Variants in HDAC4 observed in about 807,000 individuals in gnomAD.
The protein encoded by HDAC4 is histone deacetylase 4, also known as histone deacetylase A.
Under a neutral mutation model 135.1 loss-of-function variants are expected in HDAC4, and 16 were observed. The observed-to-expected ratio is 0.12, with a 90% CI of 0.08 to 0.18. HDAC4 has a LOEUF of 0.18. Ranked by LOEUF, HDAC4 falls within the 10% of genes least tolerant of loss-of-function variation. The pLI, the probability that HDAC4 is intolerant of heterozygous loss-of-function variation, is 1.00. For missense variants in HDAC4, 1,143 were observed against 1,511.8 expected (o/e 0.76, Z 4.05); for synonymous variants, 685 against 653.4 (o/e 1.05, Z -0.74).
At chr2:239,199,520 A>C (rs2045621750) in intron 3 of HDAC4, among the ~76,000 whole-genome samples, 1 of 149,192 alleles carries the variant, frequency 6.7e-6, no homozygotes, top group Non-Finnish European at 1.5e-5. Flanking sequence ...CGGTTTGCCC[A>C]TGTCTGAAAA....
intron 2 of HDAC4, among the ~76,000 whole-genome samples, chr2:239,282,134 CA>C (rs2050805924): frequency 6.7e-6 from 1 of 149,994 alleles, no homozygotes; most frequent in Admixed American, 6.6e-5. Flanking sequence ...ATGTACACAC[CA>C]TGCTACAATG....
chr2:239,378,978 C>T lies in HDAC4; in HGVS notation c.-220+22000G>A, dbSNP rs117253655. On this transcript the variant is annotated intron_variant, in intron 1 of 26. Transcript: ENST00000543185. ...AAGGAAAAGTGTCCCATGCTGGGCC[C>T]GCTCACTCACTGGCACACAGCAGAA... Among the ~76,000 whole-genome samples the T allele has an allele frequency of 1.1e-3, 164 of 152,328 alleles. 2 individuals are homozygous for T. In the East Asian group the frequency reaches 0.027, roughly 25 times the overall value.
At chr2:239,395,770 G>T (rs979507947) in intron 1 of HDAC4, among the ~76,000 whole-genome samples, 2 of 152,006 alleles carry the variant, frequency 1.3e-5, no homozygotes, top group Non-Finnish European at 2.9e-5. Context: ...ATGCCAGCAG[G>T]TTTAACAAGT....
intron 3 of HDAC4, among the ~76,000 whole-genome samples, chr2:239,200,383 G>A (rs950697471): frequency 4.6e-5 from 7 of 152,180 alleles, no homozygotes; most frequent in African/African-American, 7.2e-5. Context: ...GGAGGGGCAC[G>A]CACGCAAAGT....
intron 2 of HDAC4, among the ~76,000 whole-genome samples, chr2:239,315,873 A>C (rs2053093997): frequency 6.6e-6 from 1 of 152,220 alleles, no homozygotes; most frequent in South Asian, 2.1e-4. Context: ...ATGCAATTTA[A>C]AAAAAACAGT....
At chr2:239,238,478 G>A (rs994153033) in intron 2 of HDAC4, among the ~76,000 whole-genome samples, 1 of 152,122 alleles carries the variant, frequency 6.6e-6, no homozygotes, top group African/African-American at 2.4e-5. Flanking sequence ...CAGTTCCTAC[G>A]AGCCAATGCC....
chr2:239,338,913 C>T (rs1179966316), intron 2 of HDAC4, among the ~76,000 whole-genome samples: 1 of 152,262 alleles, frequency 6.6e-6, no homozygotes, highest in African/African-American at 2.4e-5. Flanking sequence ...AGGTTCGGTT[C>T]CCCAGTGGCT....
rs113699496 is a variant in HDAC4, at chr2:239,190,182, G to C, written c.95-105C>G. On this transcript the variant is annotated intron_variant, in intron 3 of 26. Coordinates refer to ENST00000543185, the MANE Select transcript of HDAC4 (RefSeq NM_001378414.1). ...TGGCCACCTTCACGGGGCGGGGGGG[G>C]GGTTGTGACCATTTGAGGATTGGAT... 2.2e-5 allele frequency: 31 copies of C among 1,411,902 alleles called. 1 individual carries two copies. The highest frequency in any genetic ancestry group is 5.0e-5 in the African/African-American group (3 of 60,024). The allele number at this position is 1,411,902 out of a possible 1,614,324, so 87.5% of individuals were successfully genotyped here. A position where few individuals can be genotyped will look rare whatever the true frequency, so the allele number is the denominator to read the frequency against.
chr2:239,278,041 C>A (rs1351086621), intron 2 of HDAC4, among the ~76,000 whole-genome samples: 1 of 152,128 alleles, frequency 6.6e-6, no homozygotes, highest in Admixed American at 6.5e-5. Flanking sequence ...CAGCCACACG[C>A]TCCAGCTACA....
chr2:239,173,395 C>T (rs1284202393), intron 5 of HDAC4, among the ~76,000 whole-genome samples: 2 of 152,014 alleles, frequency 1.3e-5, no homozygotes, highest in Non-Finnish European at 2.9e-5. Flanking sequence ...CCACATAAAG[C>T]CAAAAAATCA....
At chr2:239,374,386 CTTTTTTTTTTTTTTTTTTT>C (rs755538495) in intron 1 of HDAC4, among the ~76,000 whole-genome samples, 43 of 56,706 alleles carry the variant, frequency 7.6e-4, no homozygotes, top group Admixed American at 4.3e-3. Flanking sequence ...GAAAACAAGG[CTTTTTTTTTTTTTTTTTTT>C]TTTTTTTTTT....
At position 239,139,280 on chromosome 2, in the gene HDAC4, C is replaced by T. The variant is rs552687134; in HGVS notation, c.978+404G>A. 1.3e-5 allele frequency among the ~76,000 whole-genome samples: 2 copies of T among 152,234 alleles called. No homozygotes were observed. The highest frequency in any genetic ancestry group is 1.9e-4 in the East Asian group (1 of 5,188). ...AAGTCTCACTTAGCAACTATACCCA[C>T]GTGCCCACGGCCTCTCAGCCACCCT... is the stretch of plus-strand genomic sequence containing the variant. On this transcript the variant is annotated intron_variant, in intron 9 of 26. Coordinates refer to ENST00000543185, the MANE Select transcript of HDAC4 (RefSeq NM_001378414.1). The surrounding 1 kb of genome is among the most constrained non-coding windows in gnomAD (Gnocchi z 5.3).
intron 7 of HDAC4, among the ~76,000 whole-genome samples, chr2:239,152,858 CAA>C (rs1185205323): frequency 6.6e-6 from 1 of 152,188 alleles, no homozygotes; most frequent in Non-Finnish European, 1.5e-5. Flanking sequence ...CGTAGAGAAA[CAA>C]GAGCAGAAAA....
chr2:239,071,412 C>T (rs2034188492), intron 22 of HDAC4, among the ~76,000 whole-genome samples: 1 of 152,050 alleles, frequency 6.6e-6, no homozygotes. Flanking sequence ...CAAAACTCCA[C>T]CTCAGAAAAC....
At chr2:239,059,533 C>T (rs1294094903) in intron 24 of HDAC4, among the ~76,000 whole-genome samples, 1 of 152,104 alleles carries the variant, frequency 6.6e-6, no homozygotes, top group Admixed American at 6.5e-5. Context: ...TAACTCTTGC[C>T]AAGAAATCTG....
intron 3 of HDAC4, among the ~76,000 whole-genome samples, chr2:239,208,343 A>AAAAAAAAAAAAAAAAAAC (rs1559228254): frequency 7.3e-6 from 1 of 137,422 alleles, no homozygotes; most frequent in Non-Finnish European, 1.7e-5. Flanking sequence ...AAAAAAAAAA[A>AAAAAAAAAAAAAAAAAAC]AAAAAAAAGA....
At chr2:239,105,760 C>T (rs949918372) in intron 15 of HDAC4, among the ~76,000 whole-genome samples, 2 of 152,188 alleles carry the variant, frequency 1.3e-5, no homozygotes, top group Non-Finnish European at 2.9e-5. Flanking sequence ...CAGCCCCATC[C>T]ACCCCATCTT....
Position 239,167,908 on chromosome 2 carries a change from G to A in HDAC4, c.491-3985C>T, listed in dbSNP as rs570799600. Among the ~76,000 whole-genome samples, 5 of 142,094 alleles carry A rather than the reference G, an allele frequency of 3.5e-5. No homozygotes were observed. The South Asian group carries it at 1.0e-3, about 28-fold the overall frequency. 93.2% of individuals were successfully genotyped at this position (142,094 alleles called of 152,430 possible). A position where few individuals can be genotyped will look rare whatever the true frequency, so the allele number is the denominator to read the frequency against. On this transcript the variant is annotated intron_variant, in intron 5 of 26. Coordinates refer to ENST00000543185, the MANE Select transcript of HDAC4 (RefSeq NM_001378414.1). The surrounding 1 kb of genome is among the most constrained non-coding windows in gnomAD (Gnocchi z 4.1). Reference sequence around the variant, plus strand: ...TGCACCCGAGACCTAAGGAATGAGCGAGCAACAGCTGAGCGGGGCAGAGAG... The same window carrying A: ...TGCACCCGAGACCTAAGGAATGAGCAAGCAACAGCTGAGCGGGGCAGAGAG...
intron 19 of HDAC4, among the ~76,000 whole-genome samples, chr2:239,086,348 G>C (rs1045356817): frequency 1.9e-4 from 27 of 142,942 alleles, no homozygotes; most frequent in African/African-American, 6.6e-4. Flanking sequence ...CGCACGTACA[G>C]TCTCCTCCCT....
Sources: gnomAD v4.1 joint callset for allele counts (sites outside exome capture counted in the v4.1 genomes callset) on GRCh38, gnomAD v4.1.1 for gene constraint, Gnocchi (gnomAD v3.1) non-coding constraint, MANE v1.5 for transcripts, NCBI Gene and HGNC (gene_info 2026-07-23, HGNC 2026-07-21) for gene names.